The following EXOC6B variants were observed in gnomAD, a reference collection of about 807,000 sequenced individuals.
EXOC6B encodes the protein SEC15 homolog B.
A neutral mutation model predicts 113.5 loss-of-function variants in EXOC6B; 54 were observed. The observed-to-expected ratio is 0.48, with a 90% CI of 0.38 to 0.60. The LOEUF is 0.60. EXOC6B is among the 20% of genes least tolerant of loss of function. The pLI, the probability that EXOC6B is intolerant of heterozygous loss-of-function variation, is 0.00. For missense variants in EXOC6B, 797 were observed against 977.5 expected (o/e 0.82, Z 2.46); for synonymous variants, 357 against 339.0 (o/e 1.05, Z -0.58).
At chr2:72,358,421 T>C (rs1466787371) in intron 19 of EXOC6B, among the ~76,000 whole-genome samples, 1 of 152,070 alleles carries the variant, frequency 6.6e-6, no homozygotes, top group African/African-American at 2.4e-5. Flanking sequence ...GTTGGCAAAA[T>C]TGAAGTTGTA....
intron 16 of EXOC6B, among the ~76,000 whole-genome samples, chr2:72,485,119 A>C (rs6714595): frequency 0.39 from 58,719 of 152,064 alleles, 17,379 homozygotes; most frequent in African/African-American, 0.83. Flanking sequence ...TTGTGGAGGT[A>C]ATTTCTCCTC....
intron 20 of EXOC6B, among the ~76,000 whole-genome samples, chr2:72,213,921 G>C (rs561518375): frequency 3.3e-5 from 5 of 152,082 alleles, no homozygotes; most frequent in Non-Finnish European, 7.4e-5. Context: ...AGGCTACCCA[G>C]TTTATGATAT....
At chr2:72,517,512 A>C (rs1207328426) in intron 8 of EXOC6B, among the ~76,000 whole-genome samples, 1 of 152,176 alleles carries the variant, frequency 6.6e-6, no homozygotes, top group Non-Finnish European at 1.5e-5. Context: ...TCATCCATAC[A>C]TTAATGAGGA....
chr2:72,570,590 G>C (rs1704455180), intron 7 of EXOC6B, among the ~76,000 whole-genome samples: 1 of 152,078 alleles, frequency 6.6e-6, no homozygotes, highest in South Asian at 2.1e-4. Context: ...CAAGTGGTGT[G>C]GATGACATGG....
At chr2:72,513,018 T>A (rs1261681011) in intron 11 of EXOC6B, 114 bp downstream of exon 11, 4 of 1,241,082 alleles carry the variant, frequency 3.2e-6, no homozygotes, top group Non-Finnish European at 4.4e-6. Context: ...AGGACATCTA[T>A]AGCTCCAAGT....
chr2:72,401,638 CATATATACATATATATAT>C (rs1693308493), intron 18 of EXOC6B, among the ~76,000 whole-genome samples: 1 of 15,486 alleles, frequency 6.5e-5, no homozygotes, highest in Non-Finnish European at 1.1e-4. Flanking sequence ...TATATATATA[CATATATACATATATATAT>C]ATATATATAT....
At chr2:72,197,922 T>C (rs1000482173) in intron 20 of EXOC6B, among the ~76,000 whole-genome samples, 7 of 152,176 alleles carry the variant, frequency 4.6e-5, no homozygotes, top group Admixed American at 2.6e-4. Flanking sequence ...CAATCACTCA[T>C]TGGGCCATCA....
At chr2:72,704,564 C>A (rs1223308961) in intron 6 of EXOC6B, among the ~76,000 whole-genome samples, 7 of 151,994 alleles carry the variant, frequency 4.6e-5, no homozygotes, top group East Asian at 1.9e-4. Context: ...GGATCAACAA[C>A]ATTGATAGAC....
At chr2:72,823,410 G>T (rs1686688731) in intron 1 of EXOC6B, among the ~76,000 whole-genome samples, 1 of 130,992 alleles carries the variant, frequency 7.6e-6, no homozygotes, top group Non-Finnish European at 1.5e-5. Flanking sequence ...ATATACAGTT[G>T]ACCCTCTGTA....
chr2:72,214,506 ATTAC>A (rs1680394346), intron 20 of EXOC6B, among the ~76,000 whole-genome samples: 1 of 148,812 alleles, frequency 6.7e-6, no homozygotes, highest in Non-Finnish European at 1.5e-5. Flanking sequence ...AAAAAAAAAG[ATTAC>A]TTATTATCAC....
chr2:72,367,300 T>A (rs943839072), intron 19 of EXOC6B, among the ~76,000 whole-genome samples: 7 of 149,460 alleles, frequency 4.7e-5, no homozygotes, highest in Non-Finnish European at 7.4e-5. Flanking sequence ...TCTGAGCTAA[T>A]AAACTATAGA....
At chr2:72,413,103 C>A (rs1018230254) in intron 18 of EXOC6B, among the ~76,000 whole-genome samples, 6 of 151,990 alleles carry the variant, frequency 3.9e-5, no homozygotes, top group Non-Finnish European at 7.4e-5. Flanking sequence ...GGACTACAGG[C>A]GCCCGCCACC....
intron 1 of EXOC6B, among the ~76,000 whole-genome samples, chr2:72,822,431 T>C (rs1365575203): frequency 6.6e-6 from 1 of 152,190 alleles, no homozygotes; most frequent in African/African-American, 2.4e-5. Context: ...AGAGGTGGTA[T>C]ATCCTTATGA....
chr2:72,277,724 C>A (rs1684885320), intron 20 of EXOC6B, among the ~76,000 whole-genome samples: 1 of 151,956 alleles, frequency 6.6e-6, no homozygotes, highest in East Asian at 1.9e-4. Flanking sequence ...GAACTCCTGA[C>A]CTCAAGTGAT....
intron 17 of EXOC6B, among the ~76,000 whole-genome samples, chr2:72,478,625 CT>C (rs1698891414): frequency 6.6e-6 from 1 of 152,208 alleles, no homozygotes; most frequent in Non-Finnish European, 1.5e-5. Context: ...TGTTCAGCCC[CT>C]ATGGCTTCCT....
chr2:72,188,933 A>G (rs1678625604), intron 20 of EXOC6B, among the ~76,000 whole-genome samples: 1 of 152,188 alleles, frequency 6.6e-6, no homozygotes, highest in East Asian at 1.9e-4. Flanking sequence ...ACACCCATGC[A>G]TGTACACATA....
At chr2:72,485,049 C>A (rs552896989) in intron 16 of EXOC6B, among the ~76,000 whole-genome samples, 97 of 152,300 alleles carry the variant, frequency 6.4e-4, no homozygotes, top group Admixed American at 1.4e-3. Flanking sequence ...GCCATACTGT[C>A]TTCCACAATG....
At chr2:72,692,421 G>T (rs1295892145) in intron 6 of EXOC6B, among the ~76,000 whole-genome samples, 1 of 149,612 alleles carries the variant, frequency 6.7e-6, no homozygotes. Context: ...GCACGATGTC[G>T]GCTCACTGCA....
intron 6 of EXOC6B, among the ~76,000 whole-genome samples, chr2:72,662,988 G>C (rs1236440875): frequency 6.6e-6 from 1 of 151,952 alleles, no homozygotes; most frequent in African/African-American, 2.4e-5. Flanking sequence ...CAAAGTGCTG[G>C]GATTACAGGC....
Sources: gnomAD v4.1 joint callset for allele counts (sites outside exome capture counted in the v4.1 genomes callset) on GRCh38, gnomAD v4.1.1 for gene constraint, MANE v1.5 for transcripts, NCBI Gene and HGNC (gene_info 2026-07-23, HGNC 2026-07-21) for gene names.